The following MAML2 variants were observed in gnomAD, a reference collection of about 807,000 sequenced individuals.
The protein encoded by MAML2 is mastermind-like protein 2.
A neutral mutation model predicts 96.1 loss-of-function variants in MAML2; 22 were observed. That is an observed-to-expected ratio of 0.23 (90% confidence interval 0.16 to 0.33). The LOEUF (loss-of-function observed/expected upper bound fraction) is 0.33. Among genes scored for constraint, MAML2 ranks in the 10% least tolerant of loss-of-function variants. MAML2 has a pLI of 1.00. For missense variants in MAML2, 1,367 were observed against 1,392.4 expected (o/e 0.98, Z 0.29); for synonymous variants, 561 against 521.3 (o/e 1.08, Z -1.04).
At chr11:96,013,626 A>C (rs1010603708) in intron 2 of MAML2, among the ~76,000 whole-genome samples, 3 of 152,174 alleles carry the variant, frequency 2.0e-5, no homozygotes, top group Non-Finnish European at 4.4e-5. Context: ...AGCAGTAGAC[A>C]CAAAGGCAGC....
At chr11:96,084,264 G>T (rs754410396) in intron 2 of MAML2, among the ~76,000 whole-genome samples, 7 of 152,144 alleles carry the variant, frequency 4.6e-5, no homozygotes, top group Non-Finnish European at 1.0e-4. Flanking sequence ...TATGGAGTTG[G>T]ACTTTCTCCT....
chr11:96,133,134 A>G (rs751597610), intron 1 of MAML2, among the ~76,000 whole-genome samples: 1 of 152,210 alleles, frequency 6.6e-6, no homozygotes, highest in African/African-American at 2.4e-5. Context: ...GCTTTCCTGG[A>G]TAAAGATATT....
chr11:96,167,250 T>G (rs1400969074), intron 1 of MAML2, among the ~76,000 whole-genome samples: 2 of 152,184 alleles, frequency 1.3e-5, no homozygotes, highest in Non-Finnish European at 2.9e-5. Flanking sequence ...CTCAAACAAG[T>G]GTCTCTAATG....
At position 96,093,525 on chromosome 11, in the gene MAML2, A is replaced by G. The variant is rs763791289; in HGVS notation, c.514-8T>C. 6.4e-7 allele frequency: 1 copy of G among 1,552,182 alleles called. No individual in the cohort carries two copies. Among genetic ancestry groups the G allele is most frequent in the East Asian group, 2.2e-5 (1 of 44,498 alleles). The stretch of plus-strand genomic sequence containing the variant: ...TTTCAAGGAACCCTGGAGCTGAAAG[A>G]CAGAAGGGAATAAAAAGGAAAAATA... On this transcript the variant is annotated splice_polypyrimidine_tract_variant and splice_region_variant and intron_variant, in intron 1 of 4. Coordinates refer to ENST00000524717, the MANE Select transcript of MAML2 (RefSeq NM_032427.4).
At chr11:96,332,184 G>T (rs1193083196) in intron 1 of MAML2, among the ~76,000 whole-genome samples, 1 of 152,178 alleles carries the variant, frequency 6.6e-6, no homozygotes, top group African/African-American at 2.4e-5. Context: ...TAAAGTACAA[G>T]TCATCACTTT....
At chr11:96,264,560 C>A (rs1235627384) in intron 1 of MAML2, among the ~76,000 whole-genome samples, 1 of 152,218 alleles carries the variant, frequency 6.6e-6, no homozygotes, top group African/African-American at 2.4e-5. Context: ...TCCTGACCCT[C>A]TTAGTCACGC....
rs1163421154 is a variant in MAML2 at position 95,991,613 on chromosome 11, ATTCAACAGTGATTGC to A, written c.2235_2249del (p.Gln745_Asn750delinsHis). ...TCTGCTTCTTTCCCATCAATTGCTG[ATTCAACAGTGATTGC>A]TGGGAGTTCATGTAACCACTTCCAG... On this transcript the variant is annotated inframe_deletion, in exon 3 of 5. Transcript: ENST00000524717. 3 of 1,613,756 alleles carry A rather than the reference ATTCAACAGTGATTGC, an allele frequency of 1.9e-6. No homozygotes were observed. Among genetic ancestry groups the A allele is most frequent in the Non-Finnish European group, 1.7e-6 (2 of 1,179,724 alleles).
intron 1 of MAML2, among the ~76,000 whole-genome samples, chr11:96,302,734 T>G (rs1385303214): frequency 6.6e-6 from 1 of 152,202 alleles, no homozygotes; most frequent in African/African-American, 2.4e-5. Flanking sequence ...ATTACTCTCT[T>G]GATTAAATTC....
At position 96,035,719 on chromosome 11, in the gene MAML2, A is replaced by G. The variant is rs930290945; in HGVS notation, c.2140-43996T>C. On this transcript the variant is annotated intron_variant, in intron 2 of 4. Coordinates refer to ENST00000524717, the MANE Select transcript of MAML2 (RefSeq NM_032427.4). The stretch of plus-strand genomic sequence containing the variant: ...CCAACATTGGGTTCTCTAAGACTCC[A>G]CTGTATTCTTCCAGGAAATCTTCAT... Among the ~76,000 whole-genome samples the G allele has an allele frequency of 2.0e-5, 3 of 152,244 alleles. No individual in the cohort carries two copies. In the South Asian group the frequency reaches 6.2e-4, roughly 32 times the overall value.
chr11:96,236,732 G>A (rs1862372159), intron 1 of MAML2, among the ~76,000 whole-genome samples: 1 of 152,078 alleles, frequency 6.6e-6, no homozygotes, highest in South Asian at 2.1e-4. Context: ...TCAATCTGGA[G>A]GGTTGATAAT....
At chr11:96,036,833 G>A (rs76050824) in intron 2 of MAML2, among the ~76,000 whole-genome samples, 4,408 of 152,084 alleles carry the variant, frequency 0.029, 213 homozygotes, top group African/African-American at 0.1. Flanking sequence ...GGTGTGCTGC[G>A]GCTAACTTAA....
At chr11:96,253,735 C>T (rs986164898) in intron 1 of MAML2, among the ~76,000 whole-genome samples, 4 of 152,210 alleles carry the variant, frequency 2.6e-5, no homozygotes, top group Non-Finnish European at 5.9e-5. Flanking sequence ...GGTAAATTCT[C>T]TCCCAGGATT....
At chr11:96,009,438 T>A (rs1176980816) in intron 2 of MAML2, among the ~76,000 whole-genome samples, 1 of 152,198 alleles carries the variant, frequency 6.6e-6, no homozygotes, top group African/African-American at 2.4e-5. Flanking sequence ...GTGGAATGGT[T>A]TCTTTTTTAT....
intron 1 of MAML2, among the ~76,000 whole-genome samples, chr11:96,304,878 TC>T (rs1239779278): frequency 3.9e-5 from 6 of 152,222 alleles, no homozygotes; most frequent in African/African-American, 1.4e-4. Context: ...TGTTTATGTT[TC>T]TTCTATTTGA....
At chr11:96,150,946 C>A (rs1020589034) in intron 1 of MAML2, among the ~76,000 whole-genome samples, 1 of 152,172 alleles carries the variant, frequency 6.6e-6, no homozygotes, top group Admixed American at 6.5e-5. Context: ...GCATCTTAAG[C>A]CCCTCCCTAG....
chr11:96,173,985 A>T (rs528087032), intron 1 of MAML2, among the ~76,000 whole-genome samples: 2 of 152,306 alleles, frequency 1.3e-5, no homozygotes, highest in South Asian at 4.1e-4. Context: ...CTAACCACTG[A>T]GTGGAGTAAA....
intron 1 of MAML2, among the ~76,000 whole-genome samples, chr11:96,209,318 A>T (rs568904644): frequency 2.0e-5 from 3 of 152,048 alleles, no homozygotes; most frequent in African/African-American, 7.2e-5. Flanking sequence ...ATCTTCATCT[A>T]CTTATGCATT....
intron 1 of MAML2, among the ~76,000 whole-genome samples, chr11:96,278,558 C>G (rs1458367142): frequency 6.6e-6 from 1 of 152,124 alleles, no homozygotes. Flanking sequence ...GAAGCAAACT[C>G]AAGCTGGCAA....
At chr11:96,159,991 G>T (rs780168006) in intron 1 of MAML2, among the ~76,000 whole-genome samples, 1 of 152,204 alleles carries the variant, frequency 6.6e-6, no homozygotes, top group Non-Finnish European at 1.5e-5. Flanking sequence ...ATAGCTGCGT[G>T]CTCTGTAGTG....
Sources: allele counts gnomAD v4.1 joint callset (sites outside exome capture counted in the v4.1 genomes callset), GRCh38; gene constraint gnomAD v4.1.1; transcripts MANE v1.5; gene names NCBI Gene and HGNC (gene_info 2026-07-23, HGNC 2026-07-21).